Variants in DGLUCY observed in about 807,000 individuals in gnomAD.
DGLUCY encodes D-glutamate cyclase, mitochondrial.
In DGLUCY, 58 loss-of-function variants were observed where a neutral mutation model predicts 58.5. The observed-to-expected ratio is 0.99, with a 90% confidence interval of 0.80 to 1.23. DGLUCY has a LOEUF of 1.23. DGLUCY is among the 50% of genes most tolerant of loss of function. The pLI is 0.00. For missense variants in DGLUCY, 779 were observed against 784.7 expected, an observed-to-expected ratio of 0.99 and a Z score of 0.09; for synonymous variants, 325 against 314.1, an observed-to-expected ratio of 1.03 and a Z score of -0.37.
At chr14:91,135,697 T>C (rs1384520004) in intron 1 of DGLUCY, among the ~76,000 whole-genome samples, 1 of 149,062 alleles carries the variant, frequency 6.7e-6, no homozygotes, top group Non-Finnish European at 1.5e-5. Flanking sequence ...AGGCTTTTGC[T>C]GTTTTTGTTT....
intron 1 of DGLUCY, among the ~76,000 whole-genome samples, chr14:91,153,667 C>G (rs2047444152): frequency 6.6e-6 from 1 of 152,180 alleles, no homozygotes; most frequent in Non-Finnish European, 1.5e-5. Flanking sequence ...TCAGCTGTTC[C>G]CCATGGTGTG....
intron 8 of DGLUCY, among the ~76,000 whole-genome samples, chr14:91,182,299 T>A (rs888235332): frequency 3.5e-5 from 5 of 144,848 alleles, no homozygotes; most frequent in Non-Finnish European, 6.3e-5. Context: ...CTTTTTCTTG[T>A]TGTTCTAAAC....
At chr14:91,190,446 A>G (rs576021290) in intron 9 of DGLUCY, among the ~76,000 whole-genome samples, 1 of 152,262 alleles carries the variant, frequency 6.6e-6, no homozygotes, top group East Asian at 1.9e-4. Flanking sequence ...GACCAGGATG[A>G]GGAGACTGGA....
chr14:91,098,016 T>C (rs1223303405), intron 1 of DGLUCY, among the ~76,000 whole-genome samples: 1 of 151,706 alleles, frequency 6.6e-6, no homozygotes, highest in Non-Finnish European at 1.5e-5. Context: ...TATTCCCCAC[T>C]ACAGCCAATG....
intron 8 of DGLUCY, among the ~76,000 whole-genome samples, chr14:91,186,163 C>G (rs2049505042): frequency 6.6e-6 from 1 of 152,128 alleles, no homozygotes; most frequent in Non-Finnish European, 1.5e-5. Context: ...TTCTCACTCT[C>G]CTCTTCTCCC....
At chr14:91,142,985 G>GTGCTAC (rs1566963412) in intron 1 of DGLUCY, among the ~76,000 whole-genome samples, 1 of 138,692 alleles carries the variant, frequency 7.2e-6, no homozygotes, top group African/African-American at 2.7e-5. Context: ...AGCCGAGATC[G>GTGCTAC]TGCTACTGCA....
intron 11 of DGLUCY, among the ~76,000 whole-genome samples, chr14:91,201,262 G>A (rs1019931486): frequency 2.0e-5 from 3 of 151,810 alleles, no homozygotes; most frequent in Non-Finnish European, 4.4e-5. Context: ...AGGTCACAGG[G>A]GATATGATGG....
At chr14:91,203,905 G>T (rs1341515945) in intron 11 of DGLUCY, among the ~76,000 whole-genome samples, 1 of 152,204 alleles carries the variant, frequency 6.6e-6, no homozygotes, top group African/African-American at 2.4e-5. Flanking sequence ...TCGAACTCCT[G>T]ATCTCAAGTG....
intron 1 of DGLUCY, among the ~76,000 whole-genome samples, chr14:91,144,579 G>C (rs117583994): frequency 9.2e-5 from 14 of 152,068 alleles, no homozygotes; most frequent in African/African-American, 3.4e-4. Flanking sequence ...GGAGTCATGG[G>C]AGTCATCCTG....
chr14:91,100,808 C>T (rs1054004919), intron 1 of DGLUCY, among the ~76,000 whole-genome samples: 48 of 152,170 alleles, frequency 3.2e-4, no homozygotes, highest in African/African-American at 1.1e-3. Flanking sequence ...CAGTGGCTCA[C>T]GCCTGTAATC....
intron 1 of DGLUCY, among the ~76,000 whole-genome samples, chr14:91,067,467 G>A (rs142550498): frequency 1.3e-5 from 2 of 152,142 alleles, no homozygotes; most frequent in African/African-American, 4.8e-5. Context: ...CCTTTAACTG[G>A]CTCTATCAAA....
upstream of DGLUCY, among the ~76,000 whole-genome samples, chr14:91,112,847 G>C (rs1198901279): frequency 6.6e-6 from 1 of 151,380 alleles, no homozygotes; most frequent in East Asian, 1.9e-4. Context: ...GTGAAACCCT[G>C]TTTCTACTAA....
chr14:91,218,080 G>A (rs1171265518), intron 13 of DGLUCY, among the ~76,000 whole-genome samples: 1 of 152,224 alleles, frequency 6.6e-6, no homozygotes, highest in Non-Finnish European at 1.5e-5. Flanking sequence ...GCTCAGAAGT[G>A]TCCCAGGTAG....
intron 10 of DGLUCY, among the ~76,000 whole-genome samples, chr14:91,196,815 A>G (rs2050249344): frequency 6.6e-6 from 1 of 151,930 alleles, no homozygotes; most frequent in Non-Finnish European, 1.5e-5. Context: ...GAGAATAGTG[A>G]AATCATTTCA....
intron 1 of DGLUCY, among the ~76,000 whole-genome samples, chr14:91,120,957 C>T (rs1160238807): frequency 6.6e-6 from 1 of 152,278 alleles, no homozygotes; most frequent in Non-Finnish European, 1.5e-5. Flanking sequence ...CCTTAGTGCT[C>T]CTGGGGCTCT....
chr14:91,215,794 G>A (rs932106994), intron 13 of DGLUCY: 1 of 1,344,714 alleles, frequency 7.4e-7, no homozygotes. Context: ...TTGACTTTGG[G>A]TGAGTTGCTT....
intron 1 of DGLUCY, among the ~76,000 whole-genome samples, chr14:91,140,891 G>T (rs2046627940): frequency 6.6e-6 from 1 of 152,070 alleles, no homozygotes; most frequent in African/African-American, 2.4e-5. Context: ...CCCTCTCCTG[G>T]CTGGTCTATT....
chr14:91,094,726 G>A (rs1348621867), intron 1 of DGLUCY, among the ~76,000 whole-genome samples: 1 of 151,762 alleles, frequency 6.6e-6, no homozygotes, highest in African/African-American at 2.4e-5. Context: ...GGGAGGCTGA[G>A]GCAGGAGAAT....
chr14:91,215,064 G>A (rs201985492), intron 12 of DGLUCY, among the ~76,000 whole-genome samples: 6 of 152,088 alleles, frequency 3.9e-5, no homozygotes, highest in Non-Finnish European at 8.8e-5. Flanking sequence ...CAGGAGAATC[G>A]CTTGAACCCA....
Sources: gnomAD v4.1 joint callset for allele counts (sites outside exome capture counted in the v4.1 genomes callset) on GRCh38, gnomAD v4.1.1 for gene constraint, MANE v1.5 for transcripts, NCBI Gene and HGNC (gene_info 2026-07-23, HGNC 2026-07-21) for gene names.